The following RFX7 variants were observed in gnomAD, a reference collection of about 807,000 sequenced individuals.
RFX7 encodes the protein DNA-binding protein RFX7.
Under a neutral mutation model 111.8 loss-of-function variants are expected in RFX7, and 26 were observed. The observed-to-expected ratio is 0.23, with a 90% CI of 0.17 to 0.32. The LOEUF (loss-of-function observed/expected upper bound fraction) is 0.32, where lower values mean the gene tolerates loss of function less well. Ranked by LOEUF, RFX7 falls within the 10% of genes least tolerant of loss-of-function variation. The probability of loss-of-function intolerance (pLI) is 1.00; values close to 1 mark genes in which losing one functional copy is unlikely to be tolerated. For missense variants in RFX7, 1,573 were observed against 1,772.9 expected (o/e 0.89, Z 2.02); for synonymous variants, 624 against 624.4 (o/e 1.00, Z 0.01).
rs1323983088 is a variant in RFX7, at chr15:56,192,884, T to C, written c.162-13581A>G. 1.9e-5 allele frequency: 4 copies of C among 209,364 alleles called. No homozygotes were observed. The East Asian group carries it at 4.5e-4, about 24-fold the overall frequency. 13.0% of individuals were successfully genotyped at this position (209,364 alleles called of 1,614,324 possible). A position where few individuals can be genotyped will look rare whatever the true frequency, so the allele number is the denominator to read the frequency against. ...CAAACTTGTATGTTCAGCAACAAAC[T>C]TGTCCAACCTCTTGGAGAGCTTGAT... On this transcript the variant is annotated intron_variant, in intron 2 of 9. Transcript: ENST00000559447.
At chr15:56,111,799 T>C (rs951818112) in intron 5 of RFX7, among the ~76,000 whole-genome samples, 1 of 151,928 alleles carries the variant, frequency 6.6e-6, no homozygotes, top group Non-Finnish European at 1.5e-5. Context: ...GTTCTCCAGG[T>C]ATTTCTCATG....
At chr15:56,149,915 C>G (rs1455930967) in intron 3 of RFX7, among the ~76,000 whole-genome samples, 1 of 152,006 alleles carries the variant, frequency 6.6e-6, no homozygotes, top group African/African-American at 2.4e-5. Context: ...TGGTCTGGCT[C>G]AGCGGGTCCC....
In RFX7 at chr15:56,141,656, AAT is replaced by A. The variant is rs368258249; in HGVS notation, c.401+1120_401+1121del. 9.9e-4 allele frequency among the ~76,000 whole-genome samples: 82 copies of A among 82,878 alleles called. 3 individuals are homozygous for A. The highest frequency in any genetic ancestry group is 6.5e-3 in the Middle Eastern group (1 of 154). 54.4% of individuals were successfully genotyped at this position (82,878 alleles called of 152,430 possible). ...TAATGAAGAATCTATGCTTACTCTA[AAT>A]ATATATATATATATATATGCATATA... On this transcript the variant is annotated intron_variant, in intron 5 of 9. Transcript: ENST00000559447.
chr15:56,179,687 A>G (rs1020201918), intron 2 of RFX7, among the ~76,000 whole-genome samples: 1 of 152,000 alleles, frequency 6.6e-6, no homozygotes, highest in Non-Finnish European at 1.5e-5. Context: ...CTTAAAAGTC[A>G]TAACGATGTA....
intron 2 of RFX7, among the ~76,000 whole-genome samples, chr15:56,207,526 A>C (rs1281716397): frequency 6.6e-6 from 1 of 152,222 alleles, no homozygotes; most frequent in Non-Finnish European, 1.5e-5. Context: ...CTCAAAATGG[A>C]TCACAGACTT....
chr15:56,154,005 C>A (rs2042614797), intron 3 of RFX7, among the ~76,000 whole-genome samples: 1 of 150,490 alleles, frequency 6.6e-6, no homozygotes. Context: ...ATAATAGAGA[C>A]CCAAATCATG....
At chr15:56,165,140 C>T (rs867703564) in intron 3 of RFX7, among the ~76,000 whole-genome samples, 5 of 149,912 alleles carry the variant, frequency 3.3e-5, no homozygotes, top group East Asian at 4.2e-4. Flanking sequence ...AATCTAATGC[C>T]GCTGCTGATC....
chr15:56,165,086 T>G (rs934250830), intron 3 of RFX7, among the ~76,000 whole-genome samples: 4 of 152,104 alleles, frequency 2.6e-5, no homozygotes, highest in Non-Finnish European at 5.9e-5. Flanking sequence ...ATAACCTAGA[T>G]CCCTCACATG....
intron 5 of RFX7, among the ~76,000 whole-genome samples, chr15:56,121,561 A>C (rs965210863): frequency 2.6e-5 from 4 of 152,050 alleles, no homozygotes; most frequent in Admixed American, 1.3e-4. Context: ...GGATATTGAT[A>C]TCTCTCTCTA....
At chr15:56,142,731 T>C (rs1286562533) in intron 5 of RFX7, 47 bp downstream of exon 5, 2 of 1,558,722 alleles carry the variant, frequency 1.3e-6, no homozygotes, top group Non-Finnish European at 1.8e-6. Context: ...AGTATAGTAT[T>C]TTACCTCTTT....
chr15:56,182,503 T>G (rs1006356691), intron 2 of RFX7, among the ~76,000 whole-genome samples: 1 of 152,192 alleles, frequency 6.6e-6, no homozygotes, highest in Non-Finnish European at 1.5e-5. Flanking sequence ...ATGTAAACTT[T>G]CCAGTTGTTA....
At chr15:56,117,666 C>T (rs1223453010) in intron 5 of RFX7, among the ~76,000 whole-genome samples, 9 of 152,096 alleles carry the variant, frequency 5.9e-5, no homozygotes. Flanking sequence ...TTCTGTTCTA[C>T]CTTTTACTTC....
At chr15:56,176,912 C>G (rs981093714) in intron 3 of RFX7, among the ~76,000 whole-genome samples, 4 of 145,908 alleles carry the variant, frequency 2.7e-5, no homozygotes, top group African/African-American at 7.6e-5. Flanking sequence ...CCCCTACAAT[C>G]CACTGTTCCA....
intron 3 of RFX7, among the ~76,000 whole-genome samples, chr15:56,146,300 AAT>A (rs1177030422): frequency 6.6e-6 from 1 of 152,040 alleles, no homozygotes; most frequent in East Asian, 1.9e-4. Flanking sequence ...GTTGCTACAA[AAT>A]TGTTGCCTAG....
rs1232916679 is a variant in RFX7 at position 56,101,523 on chromosome 15, T to C, written c.647A>G (p.Glu216Gly). ...ACGGCAAGCAGAAGAGATAACTTCT[T>C]CATCAATATTTTGAAGCTGCCCAGA... ...EPSGQLQNID[E>G]EVISSACRLV... Residue 216 changes from glutamate (E) to glycine (G), a missense_variant, in exon 8 of 10, where the codon GAA (glutamate) becomes GGA (glycine). Coordinates refer to ENST00000559447, the MANE Select transcript of RFX7 (RefSeq NM_022841.7). 6 of 1,613,750 alleles carry C rather than the reference T, an allele frequency of 3.7e-6. No homozygotes were observed. Among genetic ancestry groups the C allele is most frequent in the Non-Finnish European group, 2.5e-6 (3 of 1,179,766 alleles).
At chr15:56,213,721 T>G (rs1235616357) in intron 2 of RFX7, among the ~76,000 whole-genome samples, 1 of 152,190 alleles carries the variant, frequency 6.6e-6, no homozygotes, top group African/African-American at 2.4e-5. Flanking sequence ...TTATTTCTTA[T>G]GACTAGATGT....
rs2042737989 is a variant in RFX7 at position 56,162,800 on chromosome 15, C to A, written c.195+16470G>T. Among the ~76,000 whole-genome samples the A allele has an allele frequency of 2.0e-5, 3 of 152,022 alleles. No individual in the cohort carries two copies. The East Asian group carries it at 5.8e-4, about 29-fold the overall frequency. On this transcript the variant is annotated intron_variant, in intron 3 of 9. Coordinates refer to ENST00000559447, the MANE Select transcript of RFX7 (RefSeq NM_022841.7). The stretch of plus-strand genomic sequence containing the variant: ...TTTCTTTTTGTGATACTAAACAAAA[C>A]CAAACAAGCTATTTAAATCTGGCCC...
At chr15:56,174,752 A>C (rs925921826) in intron 3 of RFX7, among the ~76,000 whole-genome samples, 6 of 152,202 alleles carry the variant, frequency 3.9e-5, no homozygotes, top group Non-Finnish European at 1.5e-5. Context: ...GTCTAAGAAA[A>C]ATAAAAAAAT....
At position 56,243,139 on chromosome 15, in the gene RFX7, G is replaced by A. The variant is rs2043728919; in HGVS notation, c.147C>T (p.Ile49=). 1 of 1,361,664 alleles carries A rather than the reference G, an allele frequency of 7.3e-7. No homozygotes were observed. Among genetic ancestry groups the A allele is most frequent in the African/African-American group, 1.5e-5 (1 of 67,250 alleles). 84.3% of individuals were successfully genotyped at this position (1,361,664 alleles called of 1,614,324 possible). A position where few individuals can be genotyped will look rare whatever the true frequency, so the allele number is the denominator to read the frequency against. Residue 49 remains isoleucine, a synonymous_variant, in exon 2 of 10, where the codon ATC becomes ATT. Transcript: ENST00000559447. ...GTEASALQHK[I]KNSICKTVQS... is the part of the protein sequence containing the mutation. Reference sequence around the variant, plus strand: ...GATCCTCTTACCAGATGGAGTTCTTGATCTTGTGTTGCAGCGCGCTGGCCT... The same window carrying A: ...GATCCTCTTACCAGATGGAGTTCTTAATCTTGTGTTGCAGCGCGCTGGCCT...
Sources: gnomAD v4.1 joint callset for allele counts (sites outside exome capture counted in the v4.1 genomes callset) on GRCh38, gnomAD v4.1.1 for gene constraint, MANE v1.5 for transcripts, NCBI Gene and HGNC (gene_info 2026-07-23, HGNC 2026-07-21) for gene names.